The following SNAPC1 variants were observed in gnomAD, a reference collection of about 807,000 sequenced individuals.
SNAPC1 encodes the protein small nuclear RNA activating complex polypeptide 1, also known as snRNA-activating protein complex subunit 1.
In SNAPC1, 42 loss-of-function variants were observed where a neutral mutation model predicts 50.1. The observed-to-expected ratio is 0.84, with a 90% CI of 0.65 to 1.08. The LOEUF (loss-of-function observed/expected upper bound fraction) is 1.08. SNAPC1 is among the 50% of genes least tolerant of loss of function. The pLI is 0.00. For missense variants in SNAPC1, 477 were observed against 427.3 expected (o/e 1.12, Z -1.02); for synonymous variants, 164 against 144.2 (o/e 1.14, Z -0.98).
At chr14:61,794,256 G>A (rs1196876798) in intron 9 of SNAPC1, among the ~76,000 whole-genome samples, 1 of 152,070 alleles carries the variant, frequency 6.6e-6, no homozygotes, top group Non-Finnish European at 1.5e-5. Flanking sequence ...TAGGGAGGGT[G>A]TACCCATATG....
In SNAPC1 at chr14:61,776,120, A is replaced by T; in HGVS notation, c.560A>T (p.Tyr187Phe). The part of the protein sequence containing the change: ...LEEMLNVHDH[Y>F]QNMKHVISVD... ...GAAATGCTGAATGTTCATGATCATT[A>T]TCAGAACATGAAACATGTAATTTCA... Residue 187 changes from tyrosine to phenylalanine, a missense_variant, in exon 5 of 10, where the codon TAT becomes TTT. Coordinates refer to ENST00000216294, the MANE Select transcript of SNAPC1 (RefSeq NM_003082.4). The T allele has an allele frequency of 6.2e-7, 1 of 1,600,952 alleles. No individual in the cohort carries two copies.
chr14:61,762,498 C>A lies in SNAPC1; in HGVS notation c.38C>A (p.Ala13Glu), dbSNP rs764113543. 2.1e-6 allele frequency: 3 copies of A among 1,410,060 alleles called. No individual in the cohort carries two copies. Among genetic ancestry groups the A allele is most frequent in the Non-Finnish European group, 2.8e-6 (3 of 1,073,730 alleles). 87.3% of individuals were successfully genotyped at this position (1,410,060 alleles called of 1,614,324 possible). ...TPPGLQTDCE[A>E]LLSRFQETDS... ...CCCGGCCTGCAGACCGACTGCGAGG[C>A]GCTGCTCAGCCGCTTCCAGGAGACG... Residue 13 changes from alanine to glutamate, a missense_variant, in exon 1 of 10, where the codon GCG (alanine) becomes GAG (glutamate). By Grantham distance (107) the Ala-to-Glu change is moderately radical. Coordinates refer to ENST00000216294, the MANE Select transcript of SNAPC1 (RefSeq NM_003082.4).
At chr14:61,764,325 A>G (rs2044931314) in intron 1 of SNAPC1, among the ~76,000 whole-genome samples, 1 of 152,244 alleles carries the variant, frequency 6.6e-6, no homozygotes, top group Non-Finnish European at 1.5e-5. Context: ...TTCTGAACAA[A>G]ATGTAAAAAC....
intron 7 of SNAPC1, 43 bp downstream of exon 7, chr14:61,778,953 T>C (rs1178889660): frequency 1.8e-6 from 2 of 1,087,878 alleles, no homozygotes; most frequent in East Asian, 4.9e-5. Flanking sequence ...TTGACTGCTT[T>C]TTAAATTATA....
intron 8 of SNAPC1, among the ~76,000 whole-genome samples, chr14:61,782,813 C>T (rs904570283): frequency 2.0e-5 from 3 of 151,716 alleles, no homozygotes; most frequent in South Asian, 2.1e-4. Context: ...GGCTGAGGCA[C>T]GAGAATTGCT....
chr14:61,790,405 G>T (rs768765845), intron 8 of SNAPC1, among the ~76,000 whole-genome samples: 1 of 152,006 alleles, frequency 6.6e-6, no homozygotes, highest in Non-Finnish European at 1.5e-5. Context: ...GCACGATCTC[G>T]GCTCACTGCA....
chr14:61,762,523 G>A lies in SNAPC1; in HGVS notation c.63G>A (p.Thr21=), dbSNP rs2044913033. 6.6e-7 allele frequency: 1 copy of A among 1,520,874 alleles called. No homozygotes were observed. Among genetic ancestry groups the A allele is most frequent in the Admixed American group, 2.0e-5 (1 of 50,260 alleles). The allele number at this position is 1,520,874 out of a possible 1,614,324, so 94.2% of individuals were successfully genotyped here. Residue 21 remains threonine (T), a synonymous_variant, in exon 1 of 10, where the codon ACG becomes ACA. Coordinates refer to ENST00000216294, the MANE Select transcript of SNAPC1 (RefSeq NM_003082.4). The stretch of plus-strand genomic sequence containing the variant: ...CGCTGCTCAGCCGCTTCCAGGAGAC[G>A]GACAGTGTACGCTTCGAGGACTTCA... The part of the protein sequence containing the change: ...CEALLSRFQE[T]DSVRFEDFTE...
rs758174920 is a variant in SNAPC1 at position 61,792,896 on chromosome 14, G to A, written c.1066G>A (p.Gly356Arg). 1.3e-6 allele frequency: 2 copies of A among 1,586,524 alleles called. No individual in the cohort carries two copies. Among genetic ancestry groups the A allele is most frequent in the Non-Finnish European group, 8.6e-7 (1 of 1,159,648 alleles). ...AGAAGAAGAGAATGAAAGTTTGAGTGGAACAGGTACAGATAAAATTTGGTC... is the reference window on the plus strand; with the variant it reads ...AGAAGAAGAGAATGAAAGTTTGAGTAGAACAGGTACAGATAAAATTTGGTC... ...TEEEENESLS[G>R]TEFTASKKRR... Residue 356 changes from glycine to arginine, a missense_variant, in exon 9 of 10, where the codon GGA becomes AGA. Gly to Arg is a moderately radical substitution (Grantham distance 125). Transcript: ENST00000216294.
At chr14:61,793,413 T>C (rs993962938) in intron 9 of SNAPC1, among the ~76,000 whole-genome samples, 1 of 151,878 alleles carries the variant, frequency 6.6e-6, no homozygotes, top group Non-Finnish European at 1.5e-5. Context: ...TGGCTAATTT[T>C]TGTATTTTTT....
At chr14:61,767,436 G>A in intron 3 of SNAPC1, 84 bp downstream of exon 3, 1 of 861,172 alleles carries the variant, frequency 1.2e-6, no homozygotes, top group South Asian at 3.8e-5. Context: ...TCCAGAAAAT[G>A]GAATAAGTAT....
rs2045190234 is a variant in SNAPC1 at position 61,796,339 on chromosome 14, G to A, written c.*1356G>A. 1 of 152,136 alleles carries A rather than the reference G, an allele frequency of 6.6e-6. No homozygotes were observed. The highest frequency in any genetic ancestry group is 1.5e-5 in the Non-Finnish European group (1 of 68,032). The allele number at this position is 152,136 out of a possible 1,614,324, so 9.4% of individuals were successfully genotyped here. A position where few individuals can be genotyped will look rare whatever the true frequency, so the allele number is the denominator to read the frequency against. ...GTCTCAAAAAAAAAAAAAAGTTTGG[G>A]TTGAAGATCAAATTCGTGATATCTC... On this transcript the variant is annotated 3_prime_UTR_variant, in exon 10 of 10. Transcript: ENST00000216294.
At chr14:61,762,733 C>T (rs2044916006) in intron 1 of SNAPC1, 145 bp downstream of exon 1, 1 of 888,726 alleles carries the variant, frequency 1.1e-6, no homozygotes. Context: ...GGACCTTCCC[C>T]TGTGCTCAGG....
In SNAPC1 at chr14:61,771,011, C is replaced by G. The variant is rs576867340; in HGVS notation, c.534+2271C>G. ...CCCGCCTCAGCCTCCCAAAGTACTG[C>G]AATTACAGACATGAGCCACCCCACC... On this transcript the variant is annotated intron_variant, in intron 4 of 9. Transcript: ENST00000216294. 9.9e-5 allele frequency among the ~76,000 whole-genome samples: 15 copies of G among 152,222 alleles called. No homozygotes were observed. In the East Asian group the frequency reaches 2.9e-3, roughly 29 times the overall value.
chr14:61,794,124 A>G (rs577180293), intron 9 of SNAPC1, among the ~76,000 whole-genome samples: 2 of 152,272 alleles, frequency 1.3e-5, no homozygotes, highest in Admixed American at 1.3e-4. Flanking sequence ...GATGTGTGGT[A>G]CTGGTGTTTT....
intron 8 of SNAPC1, among the ~76,000 whole-genome samples, chr14:61,791,503 A>G (rs1363472382): frequency 1.3e-5 from 2 of 152,158 alleles, no homozygotes; most frequent in East Asian, 3.8e-4. Flanking sequence ...CTGACAAGTC[A>G]TGGTCACCAT....
intron 1 of SNAPC1, among the ~76,000 whole-genome samples, chr14:61,765,485 G>A (rs72714600): frequency 0.15 from 22,281 of 152,086 alleles, 1,970 homozygotes; most frequent in African/African-American, 0.25. Context: ...CTGGAAAGGC[G>A]GGACAACTTG....
At chr14:61,785,185 C>T (rs967269064) in intron 8 of SNAPC1, among the ~76,000 whole-genome samples, 2 of 152,008 alleles carry the variant, frequency 1.3e-5, no homozygotes, top group African/African-American at 4.8e-5. Flanking sequence ...GGTGGGTCAC[C>T]TGAGGTTGGG....
At chr14:61,780,225 A>G (rs575361065) in intron 7 of SNAPC1, among the ~76,000 whole-genome samples, 2 of 152,306 alleles carry the variant, frequency 1.3e-5, no homozygotes, top group South Asian at 4.1e-4. Context: ...AGAATCAGCC[A>G]CGAGGCTCAC....
chr14:61,794,912 T>A, intron 9 of SNAPC1, 37 bp from the exon 10 acceptor site: 1 of 1,494,038 alleles, frequency 6.7e-7, no homozygotes, highest in Non-Finnish European at 9.3e-7. Flanking sequence ...TTTTTTTGTT[T>A]TTAGATCTGA....
Sources: gnomAD v4.1 joint callset for allele counts (sites outside exome capture counted in the v4.1 genomes callset) on GRCh38, gnomAD v4.1.1 for gene constraint, MANE v1.5 for transcripts, NCBI Gene and HGNC (gene_info 2026-07-23, HGNC 2026-07-21) for gene names.